The following CSMD1 variants were observed in gnomAD, a reference collection of about 807,000 sequenced individuals.
CSMD1 encodes CUB and sushi domain-containing protein 1.
CSMD1 carries 213 observed loss-of-function variants against 417.5 expected under a neutral mutation model. That is an observed-to-expected ratio of 0.51 (90% CI 0.46 to 0.57). CSMD1 has a LOEUF of 0.57. CSMD1 is among the 20% of genes least tolerant of loss of function. The pLI is 0.00. For synonymous variants in CSMD1, 2,862 were observed against 1,736.8 expected, an observed-to-expected ratio of 1.65 and a Z score of -16.11; for missense variants, 6,923 against 4,529.7, an observed-to-expected ratio of 1.53 and a Z score of -15.17.
Position 4,031,785 on chromosome 8 carries a change from C to T in CSMD1, c.610+120G>A, listed in dbSNP as rs771804542. On this transcript the variant is annotated intron_variant, in intron 4 of 69. Coordinates refer to ENST00000635120, the MANE Select transcript of CSMD1 (RefSeq NM_033225.6). ...TGCTTTCAGGAGCAGAATGAGCTGA[C>T]ATTGTAAGAGTCAGCTCAACATGTA... 121 of 681,796 alleles carry T rather than the reference C, an allele frequency of 1.8e-4. No homozygotes were observed. The East Asian group carries it at 3.2e-3, about 18-fold the overall frequency. The allele number at this position is 681,796 out of a possible 1,614,324, so 42.2% of individuals were successfully genotyped here. A position where few individuals can be genotyped will look rare whatever the true frequency, so the allele number is the denominator to read the frequency against.
chr8:4,621,153 C>T (rs891789837), intron 2 of CSMD1, among the ~76,000 whole-genome samples: 4 of 151,826 alleles, frequency 2.6e-5, no homozygotes, highest in East Asian at 1.9e-4. Context: ...TTTCTTTTTT[C>T]GAATTTTGGA....
intron 1 of CSMD1, among the ~76,000 whole-genome samples, chr8:4,789,364 G>C (rs1797573872): frequency 6.6e-6 from 1 of 152,138 alleles, no homozygotes; most frequent in Non-Finnish European, 1.5e-5. Context: ...TCAGCTCTGT[G>C]TCTTTGTAGC....
intron 3 of CSMD1, among the ~76,000 whole-genome samples, chr8:4,345,786 C>T (rs1453464264): frequency 6.6e-6 from 1 of 152,038 alleles, no homozygotes; most frequent in Non-Finnish European, 1.5e-5. Flanking sequence ...AATGCTAATT[C>T]TTCCACAAAA....
chr8:4,646,976 G>T (rs117574434), intron 1 of CSMD1, among the ~76,000 whole-genome samples: 1 of 152,032 alleles, frequency 6.6e-6, no homozygotes, highest in South Asian at 2.1e-4. Flanking sequence ...TCTCTCTCCC[G>T]GGATGTGGAC....
chr8:3,584,127 GAAGT>G (rs979050555), intron 9 of CSMD1, among the ~76,000 whole-genome samples: 1 of 151,964 alleles, frequency 6.6e-6, no homozygotes, highest in Non-Finnish European at 1.5e-5. Context: ...AAATTTATTA[GAAGT>G]AATAAACTTA....
At chr8:3,690,714 C>T (rs1800191477) in intron 7 of CSMD1, among the ~76,000 whole-genome samples, 1 of 152,164 alleles carries the variant, frequency 6.6e-6, no homozygotes, top group South Asian at 2.1e-4. Context: ...ATAGCTGATA[C>T]ATCTTTGCCA....
chr8:3,486,998 G>A (rs911672027), intron 11 of CSMD1, among the ~76,000 whole-genome samples: 4 of 152,106 alleles, frequency 2.6e-5, no homozygotes, highest in African/African-American at 4.8e-5. Flanking sequence ...TGATCCTGGG[G>A]AGTTGATCCT....
chr8:3,531,522 G>A (rs1254631182), intron 10 of CSMD1, among the ~76,000 whole-genome samples: 1 of 152,170 alleles, frequency 6.6e-6, no homozygotes, highest in Non-Finnish European at 1.5e-5. Flanking sequence ...TAAAGAAGAA[G>A]GCAGTGAGAG....
intron 26 of CSMD1, among the ~76,000 whole-genome samples, chr8:3,269,731 C>G (rs566235083): frequency 6.6e-6 from 1 of 152,150 alleles, no homozygotes; most frequent in Admixed American, 6.5e-5. Flanking sequence ...GAGTTTTATG[C>G]ATGATTAAAT....
intron 1 of CSMD1, among the ~76,000 whole-genome samples, chr8:4,853,329 C>A (rs1181829804): frequency 1.3e-5 from 2 of 152,174 alleles, no homozygotes; most frequent in Non-Finnish European, 2.9e-5. Flanking sequence ...GCCAGGAATG[C>A]AAGGTGGCTG....
At chr8:3,695,337 G>C (rs988192587) in intron 7 of CSMD1, among the ~76,000 whole-genome samples, 1 of 151,530 alleles carries the variant, frequency 6.6e-6, no homozygotes, top group East Asian at 1.9e-4. Flanking sequence ...TTAATTTCCT[G>C]TAAGAAATGA....
intron 2 of CSMD1, among the ~76,000 whole-genome samples, chr8:4,480,135 G>C (rs942203827): frequency 2.0e-5 from 3 of 146,442 alleles, no homozygotes; most frequent in African/African-American, 5.1e-5. Flanking sequence ...GTTTCATTGA[G>C]AATCTGTTTT....
chr8:4,368,017 C>T (rs1802185257), intron 3 of CSMD1, among the ~76,000 whole-genome samples: 1 of 152,018 alleles, frequency 6.6e-6, no homozygotes, highest in African/African-American at 2.4e-5. Flanking sequence ...CTTTTCTTGG[C>T]TGATTGCTCT....
At chr8:3,668,032 CA>C (rs1431348465) in intron 7 of CSMD1, among the ~76,000 whole-genome samples, 1 of 152,158 alleles carries the variant, frequency 6.6e-6, no homozygotes, top group East Asian at 1.9e-4. Flanking sequence ...GCTTCTCCCC[CA>C]GTCCCCATCC....
chr8:3,830,995 C>T (rs932203187), intron 5 of CSMD1, among the ~76,000 whole-genome samples: 2 of 152,088 alleles, frequency 1.3e-5, no homozygotes, highest in African/African-American at 2.4e-5. Context: ...TTTTCCTTCA[C>T]CAAAAAATTT....
intron 3 of CSMD1, among the ~76,000 whole-genome samples, chr8:4,408,450 A>T (rs966380244): frequency 1.1e-4 from 17 of 152,224 alleles, no homozygotes; most frequent in African/African-American, 3.9e-4. Flanking sequence ...GAGAATACAA[A>T]TAACTGCATG....
chr8:3,209,284 T>C (rs1453459805), intron 30 of CSMD1, among the ~76,000 whole-genome samples: 2 of 78,888 alleles, frequency 2.5e-5, no homozygotes, highest in Non-Finnish European at 5.1e-5. Flanking sequence ...TATTTATTTG[T>C]TTGTTTGTTT....
chr8:4,988,015 G>T (rs922184280), intron 1 of CSMD1, among the ~76,000 whole-genome samples: 7 of 152,118 alleles, frequency 4.6e-5, no homozygotes, highest in African/African-American at 1.4e-4. Context: ...TTGTGCTCCT[G>T]TGAGTCAGTA....
chr8:4,583,605 G>A (rs1262663483), intron 2 of CSMD1, among the ~76,000 whole-genome samples: 1 of 152,044 alleles, frequency 6.6e-6, no homozygotes, highest in Non-Finnish European at 1.5e-5. Context: ...AATGGACACT[G>A]TATCTAGCTG....
Sources: allele counts gnomAD v4.1 joint callset (sites outside exome capture counted in the v4.1 genomes callset), GRCh38; gene constraint gnomAD v4.1.1; transcripts MANE v1.5; gene names NCBI Gene and HGNC (gene_info 2026-07-23, HGNC 2026-07-21).